CACNA2D1: variants seen among roughly 807,000 people sequenced by gnomAD.
The protein encoded by CACNA2D1 is calcium voltage-gated channel auxiliary subunit alpha2delta 1, also known as voltage-dependent calcium channel subunit alpha-2/delta-1.
Under a neutral mutation model 171.5 loss-of-function variants are expected in CACNA2D1, and 53 were observed. The ratio of observed to expected loss-of-function variants is 0.31; its 90% CI spans 0.25 to 0.39. The LOEUF (loss-of-function observed/expected upper bound fraction) is 0.39. Among genes scored for constraint, CACNA2D1 ranks in the 10% least tolerant of loss-of-function variants. The pLI is 1.00. For synonymous variants in CACNA2D1, 442 were observed against 443.1 expected (o/e 1.00, Z 0.03); for missense variants, 903 against 1,299.8 (o/e 0.69, Z 4.69).
At chr7:82,239,718 C>G (rs974947755) in intron 3 of CACNA2D1, among the ~76,000 whole-genome samples, 1 of 151,972 alleles carries the variant, frequency 6.6e-6, no homozygotes, top group African/African-American at 2.4e-5. Flanking sequence ...CTAAATGTCT[C>G]TTTTTTTCAT....
intron 3 of CACNA2D1, among the ~76,000 whole-genome samples, chr7:82,305,260 G>A (rs946034494): frequency 2.6e-5 from 4 of 152,092 alleles, no homozygotes; most frequent in Non-Finnish European, 5.9e-5. Flanking sequence ...GATTCTTAAA[G>A]TAAATATATA....
At chr7:82,034,086 C>A (rs1222631297) in intron 11 of CACNA2D1, among the ~76,000 whole-genome samples, 1 of 151,934 alleles carries the variant, frequency 6.6e-6, no homozygotes, top group Non-Finnish European at 1.5e-5. Context: ...AGGTATCAAT[C>A]AATATTGAGA....
At chr7:82,157,719 G>A (rs1435724345) in intron 4 of CACNA2D1, among the ~76,000 whole-genome samples, 1 of 151,706 alleles carries the variant, frequency 6.6e-6, no homozygotes, top group Non-Finnish European at 1.5e-5. Flanking sequence ...TTAGCAATAG[G>A]GCCACACAGA....
At chr7:82,044,493 G>A (rs561700014) in intron 10 of CACNA2D1, among the ~76,000 whole-genome samples, 1 of 152,276 alleles carries the variant, frequency 6.6e-6, no homozygotes, top group African/African-American at 2.4e-5. Context: ...AGACCTGACT[G>A]CTTTGGAAAA....
intron 10 of CACNA2D1, among the ~76,000 whole-genome samples, chr7:82,058,772 C>T (rs1362671609): frequency 1.3e-5 from 2 of 152,156 alleles, no homozygotes; most frequent in Non-Finnish European, 2.9e-5. Flanking sequence ...GTGCTGAACA[C>T]ATTCTTCTTG....
At chr7:81,982,782 T>A (rs1257164229) in intron 23 of CACNA2D1, 155 bp from the exon 24 acceptor site, 1 of 705,172 alleles carries the variant, frequency 1.4e-6, no homozygotes, top group Non-Finnish European at 2.6e-6. Context: ...TGAATATAAA[T>A]GTCCTCAATG....
At chr7:82,128,540 G>A (rs914989900) in intron 5 of CACNA2D1, among the ~76,000 whole-genome samples, 14 of 152,110 alleles carry the variant, frequency 9.2e-5, no homozygotes, top group African/African-American at 3.4e-4. Context: ...TCTAAAGGAA[G>A]CATTGATCAA....
chr7:82,151,895 T>A (rs753724600), intron 4 of CACNA2D1, among the ~76,000 whole-genome samples: 12 of 152,220 alleles, frequency 7.9e-5, no homozygotes, highest in Non-Finnish European at 1.5e-4. Flanking sequence ...TAGCACCTAA[T>A]TAACCTTTAC....
At chr7:82,358,683 T>G (rs73704235) in intron 1 of CACNA2D1, among the ~76,000 whole-genome samples, 1 of 151,760 alleles carries the variant, frequency 6.6e-6, no homozygotes, top group Non-Finnish European at 1.5e-5. Context: ...GTTTTTTTTT[T>G]CTGCTCGTGT....
chr7:81,956,605 T>C (rs12668403), intron 38 of CACNA2D1, among the ~76,000 whole-genome samples: 66,233 of 151,870 alleles, frequency 0.44, 14,756 homozygotes, highest in East Asian at 0.52. Context: ...CCATGAAAAC[T>C]ATTCTTTTAT....
At chr7:82,085,067 C>T (rs1041684416) in intron 6 of CACNA2D1, among the ~76,000 whole-genome samples, 167 bp from the exon 7 acceptor site, 1 of 152,216 alleles carries the variant, frequency 6.6e-6, no homozygotes, top group Non-Finnish European at 1.5e-5. Flanking sequence ...GACAGTTTGA[C>T]TGGATCTACT....
chr7:82,363,053 T>C (rs1052789123), intron 1 of CACNA2D1, among the ~76,000 whole-genome samples: 2 of 152,078 alleles, frequency 1.3e-5, no homozygotes, highest in Non-Finnish European at 2.9e-5. Flanking sequence ...TTACATACAC[T>C]TCTACATTGC....
intron 1 of CACNA2D1, among the ~76,000 whole-genome samples, chr7:82,351,612 C>A (rs558108618): frequency 1.5e-4 from 23 of 150,618 alleles, no homozygotes; most frequent in Non-Finnish European, 2.4e-4. Context: ...GAAACAAAAA[C>A]AAATAAAAGG....
At chr7:81,986,141 C>G (rs1024267725) in intron 21 of CACNA2D1, among the ~76,000 whole-genome samples, 1 of 152,144 alleles carries the variant, frequency 6.6e-6, no homozygotes, top group African/African-American at 2.4e-5. Flanking sequence ...GCCACATGAT[C>G]TTTGCTATGC....
intron 1 of CACNA2D1, among the ~76,000 whole-genome samples, chr7:82,416,218 A>T (rs905073793): frequency 2.6e-5 from 4 of 151,512 alleles, no homozygotes; most frequent in East Asian, 1.9e-4. Context: ...CTGTCTCAAA[A>T]AATAATAATA....
chr7:81,975,817 T>C (rs1158323342), intron 24 of CACNA2D1, among the ~76,000 whole-genome samples: 2 of 152,192 alleles, frequency 1.3e-5, no homozygotes, highest in Admixed American at 6.5e-5. Context: ...TATACAACTT[T>C]CCCAAAATTC....
intron 3 of CACNA2D1, among the ~76,000 whole-genome samples, chr7:82,178,261 A>G (rs1422191349): frequency 6.6e-6 from 1 of 152,158 alleles, no homozygotes; most frequent in Non-Finnish European, 1.5e-5. Flanking sequence ...CTTCAAATCT[A>G]ATCTTCAGAG....
chr7:82,346,789 A>G (rs1362818895), intron 2 of CACNA2D1, among the ~76,000 whole-genome samples: 1 of 152,208 alleles, frequency 6.6e-6, no homozygotes, highest in Non-Finnish European at 1.5e-5. Context: ...TAAAAAGAGC[A>G]TTAGCATAAT....
intron 4 of CACNA2D1, among the ~76,000 whole-genome samples, chr7:82,157,607 C>CT (rs1794499289): frequency 6.6e-6 from 1 of 152,038 alleles, no homozygotes; most frequent in South Asian, 2.1e-4. Context: ...CACCAATACT[C>CT]TTTGTCAGGT....
Sources: gnomAD v4.1 joint callset for allele counts (sites outside exome capture counted in the v4.1 genomes callset) on GRCh38, gnomAD v4.1.1 for gene constraint, MANE v1.5 for transcripts, NCBI Gene and HGNC (gene_info 2026-07-23, HGNC 2026-07-21) for gene names.